The following EXOC6 variants were observed in gnomAD, a reference collection of about 807,000 sequenced individuals.
The protein encoded by EXOC6 is exocyst complex component 6, also known as SEC15-like 1.
In EXOC6, 60 loss-of-function variants were observed where a neutral mutation model predicts 112.5. That is an observed-to-expected ratio of 0.53 (90% confidence interval 0.43 to 0.66). EXOC6 has a LOEUF of 0.66. Ranked by LOEUF, EXOC6 falls within the 30% of genes least tolerant of loss-of-function variation. The pLI, the probability that EXOC6 is intolerant of heterozygous loss-of-function variation, is 0.00. For synonymous variants in EXOC6, 295 were observed against 308.0 expected (o/e 0.96, Z 0.44); for missense variants, 855 against 957.1 (o/e 0.89, Z 1.41).
In EXOC6 at chr10:92,957,368, G is replaced by T. The variant is rs141878411; in HGVS notation, c.1773+1654G>T. Among the ~76,000 whole-genome samples the T allele has an allele frequency of 9.9e-5, 15 of 152,122 alleles. No individual in the cohort carries two copies. In the East Asian group the frequency reaches 2.9e-3, roughly 29 times the overall value. Reference sequence around the variant, plus strand: ...GGATCTTCAAGTAATTATTCTTATCGGTCATAAGCCAGAGAACCAAAGATA... The same window carrying T: ...GGATCTTCAAGTAATTATTCTTATCTGTCATAAGCCAGAGAACCAAAGATA... On this transcript the variant is annotated intron_variant, in intron 17 of 21. Coordinates refer to ENST00000260762, the MANE Select transcript of EXOC6 (RefSeq NM_019053.6).
At chr10:92,889,707 C>A (rs1244814873) in intron 1 of EXOC6, among the ~76,000 whole-genome samples, 1 of 151,432 alleles carries the variant, frequency 6.6e-6, no homozygotes, top group Non-Finnish European at 1.5e-5. Context: ...TATAGTAAAT[C>A]TTGGGTCGTG....
chr10:92,832,573 C>T (rs906196587), upstream of EXOC6, among the ~76,000 whole-genome samples: 4 of 151,750 alleles, frequency 2.6e-5, no homozygotes, highest in African/African-American at 9.7e-5. Flanking sequence ...CCACAGCACC[C>T]GGCCTACAAG....
chr10:93,022,442 T>C (rs976062), intron 20 of EXOC6, among the ~76,000 whole-genome samples: 10,323 of 152,204 alleles, frequency 0.068, 625 homozygotes, highest in African/African-American at 0.15. Flanking sequence ...TTATTACATT[T>C]TAATTTTTCT....
chr10:92,838,950 G>C (rs1846746916), intron 1 of EXOC6, among the ~76,000 whole-genome samples: 1 of 152,116 alleles, frequency 6.6e-6, no homozygotes, highest in Admixed American at 6.5e-5. Flanking sequence ...GTGCACGTCT[G>C]TAGTCCCAGC....
chr10:92,999,437 T>G (rs972001413), intron 19 of EXOC6: 1 of 296,422 alleles, frequency 3.4e-6, no homozygotes, highest in Admixed American at 5.1e-5. Flanking sequence ...TTTCTTAAGT[T>G]TCTTTAAAAG....
chr10:92,984,844 A>G (rs1439725425), intron 18 of EXOC6, among the ~76,000 whole-genome samples: 1 of 152,040 alleles, frequency 6.6e-6, no homozygotes, highest in African/African-American at 2.4e-5. Context: ...CAAAAAATAC[A>G]AAAAATCAGC....
In EXOC6 at chr10:92,840,125, T is replaced by A. The variant is rs531009807; in HGVS notation, c.86+5301T>A. Among the ~76,000 whole-genome samples, 7 of 145,414 alleles carry A rather than the reference T, an allele frequency of 4.8e-5. No individual in the cohort carries two copies. In the South Asian group the frequency reaches 1.5e-3, roughly 32 times the overall value. ...GCTTTTAGGAAAGGAAAGAAAACAT[T>A]AAAAAAAAAAACCCTAAACTGTATA... On this transcript the variant is annotated intron_variant, in intron 1 of 21. Coordinates refer to the EXOC6 transcript ENST00000371552.
intron 20 of EXOC6, among the ~76,000 whole-genome samples, chr10:93,017,531 A>G (rs1313972541): frequency 6.6e-6 from 1 of 152,006 alleles, no homozygotes; most frequent in Non-Finnish European, 1.5e-5. Flanking sequence ...TGGAGGTTGC[A>G]GTGAGCCAAG....
At chr10:92,931,280 G>T (rs996888684) in intron 9 of EXOC6, among the ~76,000 whole-genome samples, 2 of 151,462 alleles carry the variant, frequency 1.3e-5, no homozygotes, top group East Asian at 2.0e-4. Flanking sequence ...ATGGACAAAA[G>T]ATTTTTTTTT....
chr10:92,843,079 T>C (rs2133594425), intron 1 of EXOC6, among the ~76,000 whole-genome samples: 1 of 152,294 alleles, frequency 6.6e-6, no homozygotes, highest in Non-Finnish European at 1.5e-5. Context: ...GCTTTTGAAC[T>C]CCTCTGAGGA....
At chr10:93,049,224 AT>A (rs1846161813) in intron 20 of EXOC6, among the ~76,000 whole-genome samples, 1 of 151,948 alleles carries the variant, frequency 6.6e-6, no homozygotes, top group South Asian at 2.1e-4. Flanking sequence ...TGCCCGGCTA[AT>A]TTTTTATATA....
rs576300917 is a variant in EXOC6 at position 92,976,292 on chromosome 10, G to A, written c.1953+2060G>A. 2.0e-5 allele frequency among the ~76,000 whole-genome samples: 3 copies of A among 152,330 alleles called. No homozygotes were observed. The East Asian group carries it at 5.8e-4, about 29-fold the overall frequency. ...TGGTTGCCGTGTCTGTGTAGAAAGA[G>A]GTAGACATGAGAGACTTTTCACTTT... On this transcript the variant is annotated intron_variant, in intron 18 of 21. Transcript: ENST00000260762.
intron 4 of EXOC6, among the ~76,000 whole-genome samples, chr10:92,896,181 ATTTTTTTTTTTTTTTTTTTT>A (rs58783356): frequency 0.011 from 113 of 10,224 alleles, 1 homozygote; most frequent in East Asian, 0.049. Context: ...ATATATATAT[ATTTTTTTTTTTTTTTTTTTT>A]TTTTTTTTTT....
chr10:93,007,292 T>TAAA lies in EXOC6; in HGVS notation c.2096-6902_2096-6901insAAA, dbSNP rs1564905427. The stretch of plus-strand genomic sequence containing the variant: ...GGCCTGTTTTCCTACTCAAAAATTT[T>TAAA]TTTTTTTTTATATATACAAATAACT... On this transcript the variant is annotated intron_variant, in intron 19 of 21. Transcript: ENST00000260762. 9.3e-5 allele frequency among the ~76,000 whole-genome samples: 14 copies of TAAA among 151,288 alleles called. 1 individual carries two copies. The highest frequency in any genetic ancestry group is 6.8e-3 in the Middle Eastern group (2 of 294).
intron 19 of EXOC6, among the ~76,000 whole-genome samples, chr10:93,000,974 T>A (rs1843732101): frequency 6.6e-6 from 1 of 152,220 alleles, no homozygotes; most frequent in Non-Finnish European, 1.5e-5. Context: ...TAAGTTTTCA[T>A]GTTAAGTATT....
intron 16 of EXOC6, among the ~76,000 whole-genome samples, 192 bp from the exon 17 acceptor site, chr10:92,955,388 G>GTGTGTATA (rs781394983): frequency 2.0e-5 from 3 of 147,582 alleles, no homozygotes; most frequent in African/African-American, 7.5e-5. Context: ...GTGTGTGTGT[G>GTGTGTATA]TATATATATA....
At chr10:92,886,302 G>A (rs1412474905) in intron 1 of EXOC6, among the ~76,000 whole-genome samples, 1 of 152,126 alleles carries the variant, frequency 6.6e-6, no homozygotes, top group Non-Finnish European at 1.5e-5. Context: ...CAAGTACAGG[G>A]CCCTCGATTT....
chr10:93,047,429 G>A (rs1440403417), intron 20 of EXOC6, among the ~76,000 whole-genome samples: 3 of 151,836 alleles, frequency 2.0e-5, no homozygotes, highest in Non-Finnish European at 2.9e-5. Context: ...CTAGCTACTC[G>A]GGAGGCTGAA....
At chr10:92,892,970 G>C (rs765017706) in intron 1 of EXOC6, among the ~76,000 whole-genome samples, 1 of 152,158 alleles carries the variant, frequency 6.6e-6, no homozygotes, top group Non-Finnish European at 1.5e-5. Flanking sequence ...AAAGCATTTA[G>C]AACATGAGCG....
Sources: gnomAD v4.1 joint callset for allele counts (sites outside exome capture counted in the v4.1 genomes callset) on GRCh38, gnomAD v4.1.1 for gene constraint, MANE v1.5 for transcripts, NCBI Gene and HGNC (gene_info 2026-07-23, HGNC 2026-07-21) for gene names.